ZNF324B: variants seen among roughly 807,000 people sequenced by gnomAD.
The protein encoded by ZNF324B is zinc finger protein 324B.
Under a neutral mutation model 10.6 loss-of-function variants are expected in ZNF324B, and 7 were observed. The observed-to-expected ratio is 0.66, with a 90% CI of 0.38 to 1.24. The LOEUF (loss-of-function observed/expected upper bound fraction) is 1.24, where lower values mean the gene tolerates loss of function less well. Among genes scored for constraint, ZNF324B ranks in the 50% most tolerant of loss-of-function variants. ZNF324B has a pLI of 0.02. For synonymous variants in ZNF324B, 316 were observed against 321.0 expected, an observed-to-expected ratio of 0.98 and a Z score of 0.17; for missense variants, 640 against 764.7, an observed-to-expected ratio of 0.84 and a Z score of 1.92.
At chr19:58,446,578 T>C in the ZNF324B span, among the ~76,000 whole-genome samples, 9 of 144,130 alleles carry the variant, frequency 6.2e-5, no homozygotes, top group African/African-American at 2.1e-4. Flanking sequence ...TTTCTCTTTT[T>C]TTTTTTTTTT....
Position 58,456,326 on chromosome 19 carries a change from G to C in ZNF324B, c.1382G>C (p.Gly461Ala), listed in dbSNP as rs760488237. 101 of 1,612,632 alleles carry C rather than the reference G, an allele frequency of 6.3e-5. No individual in the cohort carries two copies. Among genetic ancestry groups the C allele is most frequent in the East Asian group, 2.2e-4 (10 of 44,874 alleles). ...TTCCGCTGCGTGGACTGTGGCAAGG[G>C]TTTCGCCAAGGGCGCCGTGCTGCTC... ...RPFRCVDCGK[G>A]FAKGAVLLSH... Residue 461 changes from glycine to alanine, a missense_variant, in exon 4 of 4, where the codon GGT becomes GCT. By Grantham distance (60) the Gly-to-Ala change is moderately conservative. Transcript: ENST00000336614. This position sits in a 1 kb window ranked among gnomAD's most constrained non-coding sequence, Gnocchi z 4.7.
rs753125175 is a variant in ZNF324B at position 58,454,274 on chromosome 19, C to T, written c.168C>T (p.Gly56=). ...GTGTGGTCATTCAACTTGAGCGTGG[C>T]GAGGAGCCCTGGGTTCCCAGTGGAA... ...RPRVVIQLER[G]EEPWVPSGKD... Residue 56 remains glycine, a synonymous_variant, in exon 3 of 4, where the codon GGC becomes GGT. Coordinates refer to ENST00000336614, the MANE Select transcript of ZNF324B (RefSeq NM_207395.3). The T allele has an allele frequency of 1.1e-5, 17 of 1,613,952 alleles. No individual in the cohort carries two copies. In the East Asian group the frequency reaches 1.3e-4, roughly 13 times the overall value.
chr19:58,436,145 G>C, the ZNF324B span: 2 of 153,306 alleles, frequency 1.3e-5, no homozygotes, highest in Non-Finnish European at 2.9e-5. Flanking sequence ...TAGTCAGAAA[G>C]TAGATTAGTG....
the ZNF324B span, chr19:58,440,108 G>A: frequency 6.5e-6 from 3 of 464,604 alleles, no homozygotes; most frequent in Non-Finnish European, 7.6e-6. Context: ...TGGCTCCAGA[G>A]GCCTGCTGTA....
At chr19:58,420,715 TTTTA>T in the ZNF324B span, among the ~76,000 whole-genome samples, 1 of 151,936 alleles carries the variant, frequency 6.6e-6, no homozygotes, top group Admixed American at 6.6e-5. Flanking sequence ...TTTTATTTTA[TTTTA>T]TTTTTTTTGA....
chr19:58,442,925 C>T, the ZNF324B span: 2 of 152,272 alleles, frequency 1.3e-5, no homozygotes, highest in South Asian at 2.1e-4. Context: ...CGCGGGTTGC[C>T]GCTGCTGGCT....
the ZNF324B span, among the ~76,000 whole-genome samples, chr19:58,446,205 G>A: frequency 0.023 from 3,464 of 152,318 alleles, 65 homozygotes; most frequent in Middle Eastern, 0.075. Flanking sequence ...ACCTTGTGTA[G>A]AAGGATTCCT....
the ZNF324B span, among the ~76,000 whole-genome samples, chr19:58,435,891 C>A: frequency 6.6e-6 from 1 of 152,192 alleles, no homozygotes; most frequent in Non-Finnish European, 1.5e-5. Context: ...AGGCACCTTG[C>A]CCAGCTTCTA....
the ZNF324B span, among the ~76,000 whole-genome samples, chr19:58,427,937 C>A: frequency 6.6e-6 from 1 of 152,124 alleles, no homozygotes; most frequent in African/African-American, 2.4e-5. Flanking sequence ...AATTCTGATC[C>A]CACATGTGTC....
chr19:58,435,062 G>A, the ZNF324B span: 1 of 1,614,150 alleles, frequency 6.2e-7, no homozygotes, highest in South Asian at 1.1e-5. Flanking sequence ...TCAGCCAGGT[G>A]CAAAATGTCT....
At chr19:58,454,159 C>A in intron 2 of ZNF324B, 69 bp from the exon 3 acceptor site, 1 of 1,015,972 alleles carries the variant, frequency 9.8e-7, no homozygotes, top group Non-Finnish European at 1.5e-6. Flanking sequence ...GAAGCCCTGA[C>A]TCCTGCTCTC....
chr19:58,454,985 C>T (rs1289636491), intron 3 of ZNF324B, 198 bp from the exon 4 acceptor site: 2 of 770,086 alleles, frequency 2.6e-6, no homozygotes, highest in South Asian at 1.5e-5. Context: ...ATGGGAGTCC[C>T]CACTGCAGTC....
At position 58,455,562 on chromosome 19, in the gene ZNF324B, C is replaced by T. The variant is rs1157497968; in HGVS notation, c.618C>T (p.Ala206=). ...GTGCACAGGAGGTCCCTGGGAGAGC[C>T]TTCGGGAATGCCTCGGACCTGAAGG... ...KPCAQEVPGR[A]FGNASDLKAA... is the part of the protein sequence containing the mutation. The change falls in exon 4 of 4, where the codon GCC becomes GCT. Residue 206 remains alanine, a synonymous_variant. Coordinates refer to ENST00000336614, the MANE Select transcript of ZNF324B (RefSeq NM_207395.3). The surrounding 1 kb of genome is among the most constrained non-coding windows in gnomAD (Gnocchi z 7.0). 2 of 1,614,012 alleles carry T rather than the reference C, an allele frequency of 1.2e-6. No homozygotes were observed. Among genetic ancestry groups the T allele is most frequent in the East Asian group, 4.5e-5 (2 of 44,894 alleles).
chr19:58,439,233 C>G, the ZNF324B span, among the ~76,000 whole-genome samples: 1 of 152,212 alleles, frequency 6.6e-6, no homozygotes, highest in African/African-American at 2.4e-5. Flanking sequence ...CTGTCAGCTC[C>G]TCACTGGCCT....
At chr19:58,432,644 C>G in the ZNF324B span, among the ~76,000 whole-genome samples, 3 of 152,214 alleles carry the variant, frequency 2.0e-5, 1 homozygote, top group South Asian at 6.2e-4. Flanking sequence ...CAGAGCCTTT[C>G]AGTCTTTCCC....
chr19:58,427,430 C>T, the ZNF324B span, among the ~76,000 whole-genome samples: 1 of 30,574 alleles, frequency 3.3e-5, no homozygotes, highest in Non-Finnish European at 6.0e-5. Flanking sequence ...TTCCTTCCTT[C>T]CTTCCTTCCT....
At chr19:58,438,029 C>G in the ZNF324B span, among the ~76,000 whole-genome samples, 2 of 152,182 alleles carry the variant, frequency 1.3e-5, no homozygotes, top group Non-Finnish European at 2.9e-5. Context: ...CCTTTCTGAT[C>G]TTGCCACTCC....
intron 3 of ZNF324B, chr19:58,454,883 G>A: frequency 1.8e-6 from 1 of 564,396 alleles, no homozygotes; most frequent in South Asian, 1.9e-5. Flanking sequence ...GGGAGGGGGT[G>A]GAACAGCCAG....
the ZNF324B span, among the ~76,000 whole-genome samples, chr19:58,438,262 G>T: frequency 6.6e-6 from 1 of 152,238 alleles, no homozygotes; most frequent in East Asian, 1.9e-4. Flanking sequence ...ACAACTGCAT[G>T]CAGTGTCCAC....
Sources: gnomAD v4.1 joint callset for allele counts (sites outside exome capture counted in the v4.1 genomes callset) on GRCh38, gnomAD v4.1.1 for gene constraint, Gnocchi (gnomAD v3.1) non-coding constraint, MANE v1.5 for transcripts, NCBI Gene and HGNC (gene_info 2026-07-23, HGNC 2026-07-21) for gene names.